Variants in BMPR2 observed in about 807,000 individuals in gnomAD.
BMPR2 encodes bone morphogenetic protein receptor type 2, also known as bone morphogenetic protein receptor type-2.
BMPR2 carries 29 observed loss-of-function variants against 100.8 expected under a neutral mutation model. That is an observed-to-expected ratio of 0.29 (90% CI 0.21 to 0.39). The LOEUF is 0.39. BMPR2 is among the 10% of genes least tolerant of loss of function. BMPR2 has a pLI of 1.00. For synonymous variants in BMPR2, 382 were observed against 442.3 expected (o/e 0.86, Z 1.71); for missense variants, 1,011 against 1,274.5 (o/e 0.79, Z 3.15).
At position 202,377,074 on chromosome 2, in the gene BMPR2, C is replaced by T; in HGVS notation, c.-401C>T. On this transcript the variant is annotated 5_prime_UTR_variant, in exon 1 of 13. Coordinates refer to ENST00000374580, the MANE Select transcript of BMPR2 (RefSeq NM_001204.7). ...GGAACTAGTTCTGACCCTCGCCCCC[C>T]GACCCCGGATCGAATCCCCGCCCTC... 1 of 531,938 alleles carries T rather than the reference C, an allele frequency of 1.9e-6. No homozygotes were observed. Among genetic ancestry groups the T allele is most frequent in the Non-Finnish European group, 3.3e-6 (1 of 303,742 alleles). 33.0% of individuals were successfully genotyped at this position (531,938 alleles called of 1,614,324 possible).
intron 10 of BMPR2, among the ~76,000 whole-genome samples, chr2:202,551,344 G>A (rs1427004578): frequency 8.9e-5 from 13 of 145,630 alleles, no homozygotes; most frequent in Admixed American, 3.5e-4. Flanking sequence ...GTGAAACCCC[G>A]TCTCTACTAA....
intron 10 of BMPR2, 46 bp from the exon 11 acceptor site, chr2:202,552,668 ATT>A (rs539397286): frequency 4.1e-6 from 5 of 1,226,086 alleles, no homozygotes; most frequent in African/African-American, 1.5e-5. Context: ...AGCTCAATAC[ATT>A]TTTTTTTTTA....
intron 3 of BMPR2, among the ~76,000 whole-genome samples, chr2:202,497,835 A>C (rs1052432523): frequency 6.6e-6 from 1 of 152,096 alleles, no homozygotes; most frequent in African/African-American, 2.4e-5. Flanking sequence ...TTTCTAGTAT[A>C]AACTCCAGGA....
In BMPR2 at chr2:202,536,405, C is replaced by G. The variant is rs150724023; in HGVS notation, c.1276+3673C>G. Among the ~76,000 whole-genome samples, 505 of 152,096 alleles carry G rather than the reference C, an allele frequency of 3.3e-3. 4 individuals carry two copies. Among genetic ancestry groups the G allele is most frequent in the African/African-American group, 0.011 (474 of 41,492 alleles). Reference sequence around the variant, plus strand: ...CCTGGATTACAGGAGTGAGCCACCGCACCAGGCCAAACATTAGTTTGTAAT... The same window carrying G: ...CCTGGATTACAGGAGTGAGCCACCGGACCAGGCCAAACATTAGTTTGTAAT... On this transcript the variant is annotated intron_variant, in intron 9 of 12. Transcript: ENST00000374580.
chr2:202,459,457 A>G (rs1396285172), intron 1 of BMPR2, among the ~76,000 whole-genome samples: 3 of 152,044 alleles, frequency 2.0e-5, no homozygotes, highest in Admixed American at 2.0e-4. Context: ...TTAGTATTTC[A>G]TTAGTTATTT....
At chr2:202,516,668 G>A (rs777075877) in intron 5 of BMPR2, among the ~76,000 whole-genome samples, 3 of 152,020 alleles carry the variant, frequency 2.0e-5, no homozygotes, top group Non-Finnish European at 4.4e-5. Context: ...AGGACAAAAG[G>A]TATTAACTGC....
chr2:202,449,053 C>T (rs1220881130), intron 1 of BMPR2, among the ~76,000 whole-genome samples: 1 of 151,682 alleles, frequency 6.6e-6, no homozygotes. Flanking sequence ...GGTGGCAGCT[C>T]ACACCTGTAA....
At chr2:202,379,048 T>TA (rs1346507335) in intron 1 of BMPR2, among the ~76,000 whole-genome samples, 1 of 152,218 alleles carries the variant, frequency 6.6e-6, no homozygotes, top group East Asian at 1.9e-4. Flanking sequence ...TGTTTGGTAA[T>TA]ACAATCATCT....
At chr2:202,469,185 C>T (rs1038960948) in intron 3 of BMPR2, among the ~76,000 whole-genome samples, 11 of 152,112 alleles carry the variant, frequency 7.2e-5, no homozygotes, top group Admixed American at 1.3e-4. Flanking sequence ...TGTGCCACCA[C>T]GCCCGGCTAA....
At chr2:202,535,172 T>G (rs1437297321) in intron 9 of BMPR2, among the ~76,000 whole-genome samples, 22 of 114,080 alleles carry the variant, frequency 1.9e-4, no homozygotes, top group South Asian at 1.6e-3. Context: ...GCGGCTGGCC[T>G]GGCGGGGGGC....
chr2:202,471,909 A>C (rs1692445766), intron 3 of BMPR2, among the ~76,000 whole-genome samples: 1 of 144,826 alleles, frequency 6.9e-6, no homozygotes, highest in Non-Finnish European at 1.5e-5. Flanking sequence ...GTTCAAAAAA[A>C]GATTGTGTGT....
intron 2 of BMPR2, among the ~76,000 whole-genome samples, chr2:202,465,754 G>A (rs568186989): frequency 2.0e-5 from 3 of 152,076 alleles, no homozygotes; most frequent in Non-Finnish European, 4.4e-5. Flanking sequence ...GCTACAGGCT[G>A]AGGCAGGAGA....
In BMPR2 at chr2:202,562,399, T is replaced by A. The variant is rs547600085; in HGVS notation, c.*2453T>A. ...AATAATTTCCTTTCACCAGTTTTTC[T>A]TAGTAAACTCCTGAAAAAGTAGGAA... On this transcript the variant is annotated 3_prime_UTR_variant, in exon 13 of 13. Transcript: ENST00000374580. 9.0e-4 allele frequency: 137 copies of A among 152,760 alleles called. 1 individual carries two copies. The highest frequency in any genetic ancestry group is 3.1e-3 in the African/African-American group (129 of 41,586). 9.5% of individuals were successfully genotyped at this position (152,760 alleles called of 1,614,324 possible). A position where few individuals can be genotyped will look rare whatever the true frequency, so the allele number is the denominator to read the frequency against.
At chr2:202,453,023 A>T (rs1185923974) in intron 1 of BMPR2, among the ~76,000 whole-genome samples, 1 of 152,160 alleles carries the variant, frequency 6.6e-6, no homozygotes. Flanking sequence ...ATGGTACTTT[A>T]TGTGTGCTAT....
At chr2:202,489,394 A>G (rs1692851089) in intron 3 of BMPR2, among the ~76,000 whole-genome samples, 1 of 152,238 alleles carries the variant, frequency 6.6e-6, no homozygotes, top group Non-Finnish European at 1.5e-5. Flanking sequence ...TAAGGGAACG[A>G]AAAGCAAGGA....
At chr2:202,509,933 T>G (rs1464649628) in intron 3 of BMPR2, among the ~76,000 whole-genome samples, 1 of 152,114 alleles carries the variant, frequency 6.6e-6, no homozygotes, top group Non-Finnish European at 1.5e-5. Flanking sequence ...TAATGCCATA[T>G]TAATATTACA....
Position 202,531,823 on chromosome 2 carries a change from G to A in BMPR2, c.1129-762G>A, listed in dbSNP as rs1490563114. On this transcript the variant is annotated intron_variant, in intron 8 of 12. Coordinates refer to ENST00000374580, the MANE Select transcript of BMPR2 (RefSeq NM_001204.7). ...ATTTTTGTAATTTTAGTAGATACGAGGTTTCTCCATGTTAGGGTGGTCTTG... is the reference window on the plus strand; with the variant it reads ...ATTTTTGTAATTTTAGTAGATACGAAGTTTCTCCATGTTAGGGTGGTCTTG... Among the ~76,000 whole-genome samples, 3 of 147,400 alleles carry A rather than the reference G, an allele frequency of 2.0e-5. No homozygotes were observed. The Admixed American group carries it at 2.0e-4, about 10-fold the overall frequency.
intron 6 of BMPR2, 126 bp downstream of exon 6, chr2:202,519,178 A>G (rs1687776251): frequency 6.4e-6 from 6 of 944,244 alleles, no homozygotes; most frequent in Admixed American, 1.9e-5. Context: ...CCTCGCCAAC[A>G]TGGCAAAACT....
At chr2:202,417,269 T>C (rs1691152392) in intron 1 of BMPR2, among the ~76,000 whole-genome samples, 1 of 152,212 alleles carries the variant, frequency 6.6e-6, no homozygotes, top group Non-Finnish European at 1.5e-5. Context: ...CCTGAGTAAC[T>C]GAGATTACAG....
Sources: allele counts gnomAD v4.1 joint callset (sites outside exome capture counted in the v4.1 genomes callset), GRCh38; gene constraint gnomAD v4.1.1; transcripts MANE v1.5; gene names NCBI Gene and HGNC (gene_info 2026-07-23, HGNC 2026-07-21).